CHSY3: variants seen among roughly 807,000 people sequenced by gnomAD.
CHSY3 encodes the protein chondroitin sulfate synthase 3, also known as N-acetylgalactosaminyl-proteoglycan 3-beta-glucuronosyltransferase 3.
In CHSY3, 35 loss-of-function variants were observed where a neutral mutation model predicts 67.2. That is an observed-to-expected ratio of 0.52 (90% confidence interval 0.40 to 0.69). The LOEUF (loss-of-function observed/expected upper bound fraction) is 0.69, where lower values mean the gene tolerates loss of function less well. Among genes scored for constraint, CHSY3 ranks in the 30% least tolerant of loss-of-function variants. The pLI, the probability that CHSY3 is intolerant of heterozygous loss-of-function variation, is 0.00. For synonymous variants in CHSY3, 474 were observed against 434.7 expected (o/e 1.09, Z -1.12); for missense variants, 1,069 against 1,138.5 (o/e 0.94, Z 0.88).
At chr5:129,930,429 A>C (rs185230337) in intron 2 of CHSY3, among the ~76,000 whole-genome samples, 2 of 147,320 alleles carry the variant, frequency 1.4e-5, no homozygotes, top group East Asian at 4.2e-4. Flanking sequence ...TAAGAATATG[A>C]GTCACATAGA....
chr5:130,046,548 T>G (rs1006543780), intron 2 of CHSY3, among the ~76,000 whole-genome samples: 5 of 152,144 alleles, frequency 3.3e-5, no homozygotes, highest in African/African-American at 1.2e-4. Context: ...ACAGATTTAT[T>G]GTTTAGTGGA....
At chr5:129,963,932 G>A (rs1313180254) in intron 2 of CHSY3, among the ~76,000 whole-genome samples, 1 of 151,838 alleles carries the variant, frequency 6.6e-6, no homozygotes, top group Non-Finnish European at 1.5e-5. Context: ...ATATCTGTAT[G>A]TGTGTGCACA....
At position 130,143,819 on chromosome 5, in the gene CHSY3, T is replaced by C. The variant is rs1413885160; in HGVS notation, c.1087-40410T>C. 8.6e-4 allele frequency among the ~76,000 whole-genome samples: 96 copies of C among 111,514 alleles called. 6 individuals are homozygous for C. In the South Asian group the frequency reaches 0.024, roughly 28 times the overall value. The allele number at this position is 111,514 out of a possible 152,430, so 73.2% of individuals were successfully genotyped here. A position where few individuals can be genotyped will look rare whatever the true frequency, so the allele number is the denominator to read the frequency against. The stretch of plus-strand genomic sequence containing the variant: ...ATATATATATATGTGTGTATATATA[T>C]ATATATATATATATATATATATATA... On this transcript the variant is annotated intron_variant, in intron 2 of 2. Coordinates refer to ENST00000305031, the MANE Select transcript of CHSY3 (RefSeq NM_175856.5).
intron 2 of CHSY3, among the ~76,000 whole-genome samples, chr5:129,926,572 C>T (rs778201785): frequency 6.6e-6 from 1 of 151,852 alleles, no homozygotes; most frequent in Non-Finnish European, 1.5e-5. Context: ...TAAAATTCTG[C>T]ATTTCTCATA....
At chr5:130,078,497 A>T (rs1194208825) in intron 2 of CHSY3, among the ~76,000 whole-genome samples, 1 of 152,162 alleles carries the variant, frequency 6.6e-6, no homozygotes, top group East Asian at 1.9e-4. Context: ...CATTTTTAAA[A>T]TATTTTAAAG....
At chr5:130,087,266 G>A (rs1766676283) in intron 2 of CHSY3, among the ~76,000 whole-genome samples, 1 of 152,110 alleles carries the variant, frequency 6.6e-6, no homozygotes, top group Non-Finnish European at 1.5e-5. Context: ...ATATCATACT[G>A]AATGGGCAAA....
intron 2 of CHSY3, among the ~76,000 whole-genome samples, chr5:129,959,328 C>G (rs1236961805): frequency 1.3e-5 from 2 of 151,942 alleles, no homozygotes; most frequent in Non-Finnish European, 2.9e-5. Flanking sequence ...AAATCTTTGC[C>G]CATATATCCA....
intron 2 of CHSY3, among the ~76,000 whole-genome samples, chr5:129,938,586 G>A (rs1233729956): frequency 6.6e-6 from 1 of 152,200 alleles, no homozygotes; most frequent in Non-Finnish European, 1.5e-5. Context: ...CTGCTGTGTA[G>A]AAATTTCTTC....
intron 2 of CHSY3, among the ~76,000 whole-genome samples, chr5:129,935,976 C>G (rs1011882203): frequency 6.6e-6 from 1 of 151,994 alleles, no homozygotes; most frequent in African/African-American, 2.4e-5. Context: ...ACACTTTTGG[C>G]AAAATTTAAC....
At chr5:130,138,805 G>C (rs1400445462) in intron 2 of CHSY3, among the ~76,000 whole-genome samples, 4 of 152,184 alleles carry the variant, frequency 2.6e-5, no homozygotes, top group Admixed American at 2.6e-4. Flanking sequence ...GTTCCAGTAG[G>C]TTGGACCCAA....
At chr5:130,128,019 T>C (rs957873338) in intron 2 of CHSY3, among the ~76,000 whole-genome samples, 4 of 152,158 alleles carry the variant, frequency 2.6e-5, no homozygotes, top group African/African-American at 9.7e-5. Context: ...ATATCCCAAC[T>C]TTATATTTAT....
chr5:130,107,715 A>T (rs1561539859), intron 2 of CHSY3, among the ~76,000 whole-genome samples: 1 of 151,596 alleles, frequency 6.6e-6, no homozygotes, highest in Non-Finnish European at 1.5e-5. Flanking sequence ...AATAGATACA[A>T]AGTAAAACTT....
chr5:129,954,799 G>C (rs914541952), intron 2 of CHSY3, among the ~76,000 whole-genome samples: 1 of 152,062 alleles, frequency 6.6e-6, no homozygotes, highest in Non-Finnish European at 1.5e-5. Context: ...TGATGTATAG[G>C]AATGCTTGTG....
intron 2 of CHSY3, among the ~76,000 whole-genome samples, chr5:130,004,247 G>A (rs1310993018): frequency 6.6e-6 from 1 of 152,124 alleles, no homozygotes; most frequent in African/African-American, 2.4e-5. Flanking sequence ...TTTCTTAAAT[G>A]ATATTCTTTT....
intron 2 of CHSY3, among the ~76,000 whole-genome samples, chr5:130,026,063 T>C (rs1481414042): frequency 6.6e-6 from 1 of 152,140 alleles, no homozygotes; most frequent in African/African-American, 2.4e-5. Flanking sequence ...AGTGAAGTGA[T>C]GTGAAGGAAA....
At chr5:130,039,640 C>T (rs1764955221) in intron 2 of CHSY3, among the ~76,000 whole-genome samples, 1 of 152,088 alleles carries the variant, frequency 6.6e-6, no homozygotes, top group African/African-American at 2.4e-5. Flanking sequence ...GCTGGCACTA[C>T]ATGCCAGGCT....
chr5:130,044,308 G>A (rs539345918), intron 2 of CHSY3, among the ~76,000 whole-genome samples: 1 of 152,058 alleles, frequency 6.6e-6, no homozygotes, highest in South Asian at 2.1e-4. Flanking sequence ...GGGAGAGGAG[G>A]TCAGCTGCAT....
At chr5:130,118,573 C>T (rs757783338) in intron 2 of CHSY3, among the ~76,000 whole-genome samples, 1 of 151,670 alleles carries the variant, frequency 6.6e-6, no homozygotes, top group Non-Finnish European at 1.5e-5. Flanking sequence ...TCTCATTAAC[C>T]TTAGGCTATT....
At position 129,905,294 on chromosome 5, in the gene CHSY3, C is replaced by T. The variant is rs769603202; in HGVS notation, c.465C>T (p.Asn155=). ...RRDGRPGSSH[N]GSGDGGAAAP... ...ACGGCCGGCCGGGGAGTAGCCACAACGGCAGCGGGGACGGGGGCGCTGCCG... is the reference window on the plus strand; with the variant it reads ...ACGGCCGGCCGGGGAGTAGCCACAATGGCAGCGGGGACGGGGGCGCTGCCG... The change falls in exon 1 of 3, where the codon AAC becomes AAT. Residue 155 remains asparagine (N), a synonymous_variant. Transcript: ENST00000305031. 17 of 1,482,720 alleles carry T rather than the reference C, an allele frequency of 1.1e-5. No individual in the cohort carries two copies. Among genetic ancestry groups the T allele is most frequent in the Non-Finnish European group, 1.5e-5 (17 of 1,118,936 alleles). 91.8% of individuals were successfully genotyped at this position (1,482,720 alleles called of 1,614,324 possible).
Sources: allele counts gnomAD v4.1 joint callset (sites outside exome capture counted in the v4.1 genomes callset), GRCh38; gene constraint gnomAD v4.1.1; transcripts MANE v1.5; gene names NCBI Gene and HGNC (gene_info 2026-07-23, HGNC 2026-07-21).